Variants in CSMD1 observed in about 807,000 individuals in gnomAD.
CSMD1 encodes CUB and sushi domain-containing protein 1.
CSMD1 carries 213 observed loss-of-function variants against 417.5 expected under a neutral mutation model. The observed-to-expected ratio is 0.51, with a 90% CI of 0.46 to 0.57. The LOEUF (loss-of-function observed/expected upper bound fraction) is 0.57. CSMD1 is among the 20% of genes least tolerant of loss of function. CSMD1 has a pLI of 0.00. For synonymous variants in CSMD1, 2,862 were observed against 1,736.8 expected, an observed-to-expected ratio of 1.65 and a Z score of -16.11; for missense variants, 6,923 against 4,529.7, an observed-to-expected ratio of 1.53 and a Z score of -15.17.
At chr8:3,663,193 G>C (rs954931255) in intron 7 of CSMD1, among the ~76,000 whole-genome samples, 5 of 152,144 alleles carry the variant, frequency 3.3e-5, no homozygotes, top group African/African-American at 9.7e-5. Flanking sequence ...CCAGCACAGA[G>C]AAAGCGTGAA....
intron 3 of CSMD1, among the ~76,000 whole-genome samples, chr8:4,195,135 C>G (rs1467256292): frequency 2.6e-5 from 4 of 152,174 alleles, no homozygotes; most frequent in African/African-American, 7.2e-5. Flanking sequence ...AGGAAAAATT[C>G]TACTTTGATG....
intron 3 of CSMD1, among the ~76,000 whole-genome samples, chr8:4,262,023 G>C (rs1020135814): frequency 8.5e-5 from 13 of 152,068 alleles, no homozygotes; most frequent in Non-Finnish European, 5.9e-5. Flanking sequence ...TTAATCTTTA[G>C]TACTCCTTCC....
At chr8:3,433,794 G>C (rs1037916366) in intron 12 of CSMD1, among the ~76,000 whole-genome samples, 4 of 152,196 alleles carry the variant, frequency 2.6e-5, no homozygotes, top group Non-Finnish European at 5.9e-5. Flanking sequence ...AGATTCACCA[G>C]TGCACAGTTC....
chr8:3,733,279 T>C (rs1000382505), intron 6 of CSMD1, among the ~76,000 whole-genome samples: 1 of 126,038 alleles, frequency 7.9e-6, no homozygotes, highest in Non-Finnish European at 1.8e-5. Context: ...TATTTATATA[T>C]GCATAAATAT....
chr8:2,976,028 CAAGG>C (rs1334296763), intron 55 of CSMD1, among the ~76,000 whole-genome samples: 6 of 152,126 alleles, frequency 3.9e-5, no homozygotes, highest in African/African-American at 1.4e-4. Context: ...TGTGTGAAAG[CAAGG>C]AAGATGAGAA....
chr8:4,196,801 C>T (rs1243414737), intron 3 of CSMD1, among the ~76,000 whole-genome samples: 5 of 152,134 alleles, frequency 3.3e-5, no homozygotes, highest in Admixed American at 1.3e-4. Context: ...TATTCACAGG[C>T]TCCAGGGATT....
intron 11 of CSMD1, among the ~76,000 whole-genome samples, chr8:3,480,662 GACAGAAAAA>G (rs1258038577): frequency 6.6e-6 from 1 of 151,804 alleles, no homozygotes; most frequent in Non-Finnish European, 1.5e-5. Context: ...AAAAACTAAA[GACAGAAAAA>G]ACAACCAAAA....
At chr8:3,865,723 C>G (rs1415307860) in intron 5 of CSMD1, among the ~76,000 whole-genome samples, 1 of 152,166 alleles carries the variant, frequency 6.6e-6, no homozygotes, top group Admixed American at 6.6e-5. Context: ...AACAAAATCT[C>G]CATTCACAGC....
chr8:4,440,478 C>A (rs1798403693), intron 2 of CSMD1, among the ~76,000 whole-genome samples: 1 of 152,304 alleles, frequency 6.6e-6, no homozygotes, highest in East Asian at 1.9e-4. Flanking sequence ...AAAAAAATCT[C>A]AGCAACTGTT....
At chr8:4,803,148 T>C (rs956856623) in intron 1 of CSMD1, among the ~76,000 whole-genome samples, 51 of 152,322 alleles carry the variant, frequency 3.3e-4, no homozygotes, top group African/African-American at 1.2e-3. Flanking sequence ...CAATGGACTA[T>C]ATATGAATAT....
At chr8:3,983,936 G>C (rs1290329943) in intron 5 of CSMD1, among the ~76,000 whole-genome samples, 3 of 125,118 alleles carry the variant, frequency 2.4e-5, no homozygotes, top group East Asian at 2.7e-4. Context: ...GCTGTCAATT[G>C]CAACTCTAGA....
chr8:3,719,310 C>T (rs1802013220), intron 6 of CSMD1, among the ~76,000 whole-genome samples: 1 of 152,144 alleles, frequency 6.6e-6, no homozygotes, highest in Admixed American at 6.5e-5. Flanking sequence ...GCCCAGATAG[C>T]TGAGCTCCAA....
intron 6 of CSMD1, among the ~76,000 whole-genome samples, chr8:3,736,711 C>A (rs1796539699): frequency 6.6e-6 from 1 of 152,208 alleles, no homozygotes; most frequent in Non-Finnish European, 1.5e-5. Context: ...AAGGACACAC[C>A]TGCTTCACAC....
intron 1 of CSMD1, among the ~76,000 whole-genome samples, chr8:4,807,777 T>C (rs1298230882): frequency 2.0e-5 from 3 of 152,330 alleles, no homozygotes; most frequent in South Asian, 2.1e-4. Flanking sequence ...CTATCAGCTC[T>C]ATATCTGACA....
chr8:2,997,761 A>T (rs1807036558), intron 54 of CSMD1, among the ~76,000 whole-genome samples: 1 of 152,226 alleles, frequency 6.6e-6, no homozygotes. Context: ...TAAAAAGAGA[A>T]ATAGAAGATG....
chr8:4,008,803 G>C (rs1161394418), intron 4 of CSMD1, among the ~76,000 whole-genome samples: 1 of 151,464 alleles, frequency 6.6e-6, no homozygotes, highest in Non-Finnish European at 1.5e-5. Flanking sequence ...GTAGAGACGG[G>C]ATTTCAATGT....
intron 2 of CSMD1, among the ~76,000 whole-genome samples, chr8:4,603,428 C>G (rs1226838456): frequency 1.3e-5 from 2 of 152,004 alleles, no homozygotes; most frequent in Non-Finnish European, 2.9e-5. Flanking sequence ...TTTTAAAACT[C>G]CATTCAGAAT....
Position 3,804,480 on chromosome 8 carries a change from T to A in CSMD1, c.819-50438A>T, listed in dbSNP as rs182925347. ...CTTACTATAATGGACTATGGAATAA[T>A]GGATTTGATCACTTTATTAATTTTA... On this transcript the variant is annotated intron_variant, in intron 5 of 69. Coordinates refer to ENST00000635120, the MANE Select transcript of CSMD1 (RefSeq NM_033225.6). Among the ~76,000 whole-genome samples, 5 of 152,332 alleles carry A rather than the reference T, an allele frequency of 3.3e-5. No homozygotes were observed. In the East Asian group the frequency reaches 9.6e-4, roughly 29 times the overall value.
At chr8:3,853,879 T>C (rs946554779) in intron 5 of CSMD1, among the ~76,000 whole-genome samples, 3 of 146,844 alleles carry the variant, frequency 2.0e-5, no homozygotes, top group East Asian at 2.0e-4. Flanking sequence ...TACTTTAATA[T>C]ATTAATATAT....
Sources: allele counts gnomAD v4.1 joint callset (sites outside exome capture counted in the v4.1 genomes callset), GRCh38; gene constraint gnomAD v4.1.1; transcripts MANE v1.5; gene names NCBI Gene and HGNC (gene_info 2026-07-23, HGNC 2026-07-21).